The following PPP1R12B variants were observed in gnomAD, a reference collection of about 807,000 sequenced individuals.
PPP1R12B encodes the protein protein phosphatase 1 regulatory subunit 12B, also known as myosin phosphatase target subunit 2.
PPP1R12B carries 76 observed loss-of-function variants against 126.1 expected under a neutral mutation model. The ratio of observed to expected loss-of-function variants is 0.60; its 90% confidence interval spans 0.50 to 0.73. PPP1R12B has a LOEUF of 0.73. Ranked by LOEUF, PPP1R12B falls within the 30% of genes least tolerant of loss-of-function variation. The pLI, the probability that PPP1R12B is intolerant of heterozygous loss-of-function variation, is 0.00. For missense variants in PPP1R12B, 1,052 were observed against 1,205.1 expected (o/e 0.87, Z 1.88); for synonymous variants, 356 against 434.7 (o/e 0.82, Z 2.25).
At position 202,590,694 on chromosome 1, in the gene PPP1R12B, T is replaced by C. The variant is rs1465538956; in HGVS notation, c.*10134T>C. The C allele has an allele frequency of 6.6e-6, 1 of 150,736 alleles. No homozygotes were observed. Among genetic ancestry groups the C allele is most frequent in the Non-Finnish European group, 1.5e-5 (1 of 67,828 alleles). 9.3% of individuals were successfully genotyped at this position (150,736 alleles called of 1,614,324 possible). On this transcript the variant is annotated 3_prime_UTR_variant, in exon 24 of 24. Coordinates refer to ENST00000608999, the MANE Select transcript of PPP1R12B (RefSeq NM_002481.4). ...AGAACAAGAGTCCACATAAGGGAGATGGAGAGCATTGCCAAGCAGAAGTGG... is the reference window on the plus strand; with the variant it reads ...AGAACAAGAGTCCACATAAGGGAGACGGAGAGCATTGCCAAGCAGAAGTGG...
At chr1:202,430,351 C>T (rs753777317) in intron 6 of PPP1R12B, among the ~76,000 whole-genome samples, 54 of 152,168 alleles carry the variant, frequency 3.5e-4, no homozygotes, top group Non-Finnish European at 7.2e-4. Context: ...GGGCTTATTT[C>T]CCATTCGGTA....
intron 1 of PPP1R12B, among the ~76,000 whole-genome samples, chr1:202,404,768 T>C (rs1666358421): frequency 6.6e-6 from 1 of 152,264 alleles, no homozygotes; most frequent in Non-Finnish European, 1.5e-5. Context: ...CCCGGAGTGC[T>C]GGGATTACAG....
intron 1 of PPP1R12B, among the ~76,000 whole-genome samples, chr1:202,385,913 T>C (rs568412598): frequency 1.1e-4 from 16 of 152,132 alleles, no homozygotes; most frequent in African/African-American, 3.1e-4. Context: ...GATTTGCAAG[T>C]GCCTCAAGAG....
intron 12 of PPP1R12B, among the ~76,000 whole-genome samples, chr1:202,447,726 A>T (rs767706492): frequency 2.6e-5 from 4 of 152,234 alleles, no homozygotes; most frequent in Non-Finnish European, 5.9e-5. Context: ...TTACAGTGAG[A>T]CCAAAACATG....
At chr1:202,368,266 C>T (rs889973455) in intron 1 of PPP1R12B, among the ~76,000 whole-genome samples, 1 of 152,012 alleles carries the variant, frequency 6.6e-6, no homozygotes, top group African/African-American at 2.4e-5. Flanking sequence ...CCACTGCGCC[C>T]GGCCAAGATC....
chr1:202,490,113 A>G (rs1045932107), intron 14 of PPP1R12B, among the ~76,000 whole-genome samples: 1 of 152,230 alleles, frequency 6.6e-6, no homozygotes, highest in African/African-American at 2.4e-5. Context: ...GAAGGCTATG[A>G]ATTTGTTATT....
At chr1:202,430,006 T>A (rs1669997736) in intron 6 of PPP1R12B, among the ~76,000 whole-genome samples, 1 of 152,218 alleles carries the variant, frequency 6.6e-6, no homozygotes, top group Non-Finnish European at 1.5e-5. Flanking sequence ...TCACTGAAAC[T>A]AGGATTTTCA....
At chr1:202,456,494 A>G (rs1013122271) in intron 13 of PPP1R12B, among the ~76,000 whole-genome samples, 2 of 152,268 alleles carry the variant, frequency 1.3e-5, no homozygotes, top group Middle Eastern at 3.4e-3. Context: ...TTGGTGTCAG[A>G]CCTATATGTA....
intron 23 of PPP1R12B, among the ~76,000 whole-genome samples, chr1:202,578,269 G>C (rs1212291234): frequency 1.3e-5 from 2 of 152,180 alleles, no homozygotes; most frequent in Admixed American, 6.5e-5. Flanking sequence ...GCTTAGTTCT[G>C]ATTTGATGAG....
intron 18 of PPP1R12B, among the ~76,000 whole-genome samples, chr1:202,548,664 G>A (rs1572467892): frequency 6.6e-6 from 1 of 151,756 alleles, no homozygotes; most frequent in Non-Finnish European, 1.5e-5. Flanking sequence ...AGGTGTGGTG[G>A]TGCATGCCTG....
intron 1 of PPP1R12B, among the ~76,000 whole-genome samples, chr1:202,377,773 A>G (rs1661435159): frequency 6.6e-6 from 1 of 151,938 alleles, no homozygotes. Flanking sequence ...TAAGAAAAAT[A>G]AAGGATGTTG....
chr1:202,534,461 G>T (rs1046469472), intron 18 of PPP1R12B, among the ~76,000 whole-genome samples: 1 of 151,888 alleles, frequency 6.6e-6, no homozygotes, highest in African/African-American at 2.4e-5. Flanking sequence ...ACATATGGAT[G>T]CATTTGCTTA....
Position 202,427,998 on chromosome 1 carries a change from TGGG to T in PPP1R12B, c.846+818_846+820del, listed in dbSNP as rs565584530. Among the ~76,000 whole-genome samples, 33 of 150,790 alleles carry T rather than the reference TGGG, an allele frequency of 2.2e-4. 1 individual carries two copies. In the South Asian group the frequency reaches 4.0e-3, roughly 18 times the overall value. On this transcript the variant is annotated intron_variant, in intron 5 of 23. Coordinates refer to ENST00000608999, the MANE Select transcript of PPP1R12B (RefSeq NM_002481.4). Reference sequence around the variant, plus strand: ...TTTTTTTTTTTTTTAATGGTAGAGATGGGGGGTCTCACTGGTTTCCCAGCTGGT... The same window carrying T: ...TTTTTTTTTTTTTTAATGGTAGAGATGGGTCTCACTGGTTTCCCAGCTGGT...
Position 202,456,809 on chromosome 1 carries a change from C to T in PPP1R12B, c.1850+7638C>T, listed in dbSNP as rs1408627230. On this transcript the variant is annotated intron_variant, in intron 13 of 23. Coordinates refer to ENST00000608999, the MANE Select transcript of PPP1R12B (RefSeq NM_002481.4). ...TACTCTTGAAACTCTGGGGCCCTGGCACAAGTAAATTCAAAACCACCTTGA... is the reference window on the plus strand; with the variant it reads ...TACTCTTGAAACTCTGGGGCCCTGGTACAAGTAAATTCAAAACCACCTTGA... Among the ~76,000 whole-genome samples the T allele has an allele frequency of 5.3e-5, 8 of 152,076 alleles. No homozygotes were observed. The East Asian group carries it at 1.5e-3, about 29-fold the overall frequency.
rs768096134 is a variant in PPP1R12B, at chr1:202,449,108, C to T, written c.1787C>T (p.Thr596Ile). 1.1e-5 allele frequency: 18 copies of T among 1,613,698 alleles called. No individual in the cohort carries two copies. In the Admixed American group the frequency reaches 2.8e-4, roughly 25 times the overall value. The change falls in exon 13 of 24, where the codon ACA becomes ATA. Residue 596 changes from threonine (T) to isoleucine (I), a missense_variant. Transcript: ENST00000608999. ...RPLPSTANGVTATPVLSITGT... is the reference protein window; with the variant it reads ...RPLPSTANGVIATPVLSITGT... ...CTTCCTAGCACTGCCAATGGGGTTACAGCTACTCCTGTGCTCTCCATTACT... is the reference window on the plus strand; with the variant it reads ...CTTCCTAGCACTGCCAATGGGGTTATAGCTACTCCTGTGCTCTCCATTACT...
intron 9 of PPP1R12B, 126 bp downstream of exon 9, chr1:202,434,894 C>A: frequency 6.9e-7 from 1 of 1,444,704 alleles, no homozygotes; most frequent in Non-Finnish European, 9.1e-7. Context: ...ATAATCTGCT[C>A]CCATAACAAA....
At chr1:202,381,499 G>A (rs1233240884) in intron 1 of PPP1R12B, among the ~76,000 whole-genome samples, 2 of 149,232 alleles carry the variant, frequency 1.3e-5, no homozygotes, top group African/African-American at 2.5e-5. Flanking sequence ...GTCCTTTCTA[G>A]ACAGGTAACT....
intron 18 of PPP1R12B, among the ~76,000 whole-genome samples, chr1:202,554,158 C>T: frequency 6.6e-6 from 1 of 152,058 alleles, no homozygotes; most frequent in East Asian, 1.9e-4. Context: ...AGAAGCCAAG[C>T]AAAACACTAG....
At chr1:202,431,764 G>A (rs1670215886) in intron 8 of PPP1R12B, 145 bp downstream of exon 8, 2 of 731,460 alleles carry the variant, frequency 2.7e-6, no homozygotes, top group African/African-American at 1.8e-5. Flanking sequence ...AATTGCCAGT[G>A]ACCACCTGAT....
Sources: allele counts gnomAD v4.1 joint callset (sites outside exome capture counted in the v4.1 genomes callset), GRCh38; gene constraint gnomAD v4.1.1; transcripts MANE v1.5; gene names NCBI Gene and HGNC (gene_info 2026-07-23, HGNC 2026-07-21).